The following GPC6 variants were observed in gnomAD, a reference collection of about 807,000 sequenced individuals.
GPC6 encodes glypican-6.
In GPC6, 14 loss-of-function variants were observed where a neutral mutation model predicts 55.2. That is an observed-to-expected ratio of 0.25 (90% CI 0.17 to 0.40). The LOEUF (loss-of-function observed/expected upper bound fraction) is 0.40, where lower values mean the gene tolerates loss of function less well. Among genes scored for constraint, GPC6 ranks in the 10% least tolerant of loss-of-function variants. The pLI is 1.00. For missense variants in GPC6, 641 were observed against 708.5 expected (o/e 0.90, Z 1.08); for synonymous variants, 278 against 259.6 (o/e 1.07, Z -0.68).
intron 4 of GPC6, among the ~76,000 whole-genome samples, chr13:94,265,060 A>C (rs1566609939): frequency 6.6e-6 from 1 of 152,130 alleles, no homozygotes; most frequent in Non-Finnish European, 1.5e-5. Flanking sequence ...ACTCAAGATG[A>C]GATTTTGGAG....
chr13:93,227,270 G>C lies in GPC6; in HGVS notation c.-187G>C. 1.9e-6 allele frequency: 1 copy of C among 537,962 alleles called. No homozygotes were observed. The highest frequency in any genetic ancestry group is 3.3e-5 in the Admixed American group (1 of 30,440). The allele number at this position is 537,962 out of a possible 1,614,324, so 33.3% of individuals were successfully genotyped here. A position where few individuals can be genotyped will look rare whatever the true frequency, so the allele number is the denominator to read the frequency against. ...CTTGTTGGCTTGCCATCGTCCATCTGGCTTATAAAAGTTTGCTGAGCGCAG... is the reference window on the plus strand; with the variant it reads ...CTTGTTGGCTTGCCATCGTCCATCTCGCTTATAAAAGTTTGCTGAGCGCAG... On this transcript the variant is annotated 5_prime_UTR_variant, in exon 1 of 9. Coordinates refer to ENST00000377047, the MANE Select transcript of GPC6 (RefSeq NM_005708.5). The surrounding 1 kb of genome is among the most constrained non-coding windows in gnomAD (Gnocchi z 4.3).
chr13:93,777,847 A>G (rs978026766), intron 2 of GPC6, among the ~76,000 whole-genome samples: 1 of 152,158 alleles, frequency 6.6e-6, no homozygotes, highest in African/African-American at 2.4e-5. Context: ...GAGACCAGCT[A>G]AGAGTTCCCT....
chr13:93,994,096 A>C (rs955227660), intron 3 of GPC6, among the ~76,000 whole-genome samples: 1 of 152,204 alleles, frequency 6.6e-6, no homozygotes, highest in African/African-American at 2.4e-5. Flanking sequence ...TTATTTTAAG[A>C]ATTCTCATGG....
At chr13:93,768,228 A>C (rs1478111439) in intron 2 of GPC6, among the ~76,000 whole-genome samples, 1 of 152,168 alleles carries the variant, frequency 6.6e-6, no homozygotes, top group Non-Finnish European at 1.5e-5. Flanking sequence ...TATGGATGGC[A>C]CTGCTTTTCC....
chr13:93,572,573 A>T (rs974994633), intron 2 of GPC6, among the ~76,000 whole-genome samples: 2 of 152,164 alleles, frequency 1.3e-5, no homozygotes, highest in African/African-American at 2.4e-5. Flanking sequence ...TTTGACAAAC[A>T]TTGCTATAGA....
chr13:93,268,560 C>T (rs1877403774), intron 1 of GPC6, among the ~76,000 whole-genome samples: 3 of 151,666 alleles, frequency 2.0e-5, no homozygotes, highest in Admixed American at 2.0e-4. Context: ...TTTCTTGCTA[C>T]GTAAAGACCA....
chr13:94,136,526 T>C (rs1357838095), intron 4 of GPC6, among the ~76,000 whole-genome samples: 2 of 152,102 alleles, frequency 1.3e-5, no homozygotes, highest in Admixed American at 6.6e-5. Context: ...CTGGCTAACA[T>C]GGTGAAACCC....
intron 4 of GPC6, among the ~76,000 whole-genome samples, chr13:94,272,630 G>T (rs532400025): frequency 1.3e-5 from 2 of 151,488 alleles, no homozygotes; most frequent in African/African-American, 4.9e-5. Flanking sequence ...CACCACGCCC[G>T]GCTAATTTTT....
intron 2 of GPC6, among the ~76,000 whole-genome samples, chr13:93,768,003 G>A (rs1051953403): frequency 3.3e-5 from 5 of 152,048 alleles, no homozygotes; most frequent in African/African-American, 9.7e-5. Flanking sequence ...AAAACCTAAG[G>A]GTGATTAGAG....
At chr13:94,165,233 CATATATATAT>C (rs1566488673) in intron 4 of GPC6, among the ~76,000 whole-genome samples, 41 of 145,900 alleles carry the variant, frequency 2.8e-4, no homozygotes, top group Non-Finnish European at 5.7e-4. Flanking sequence ...GAATACTATT[CATATATATAT>C]GTATACATAT....
intron 4 of GPC6, among the ~76,000 whole-genome samples, chr13:94,239,824 G>T (rs1280416225): frequency 1.3e-5 from 2 of 152,032 alleles, no homozygotes. Context: ...AGAGTGTTCG[G>T]CTCTCAATCC....
chr13:94,030,004 CT>C (rs55808503), intron 4 of GPC6, among the ~76,000 whole-genome samples: 545 of 139,400 alleles, frequency 3.9e-3, no homozygotes, highest in Middle Eastern at 7.4e-3. Context: ...TTCTTCCCGT[CT>C]TTTTTTTTTT....
intron 4 of GPC6, among the ~76,000 whole-genome samples, chr13:94,200,352 G>C (rs1330642909): frequency 6.6e-6 from 1 of 152,176 alleles, no homozygotes; most frequent in Non-Finnish European, 1.5e-5. Flanking sequence ...TAAGGTGTGG[G>C]TCCTGTATAG....
rs576360556 is a variant in GPC6, at chr13:94,096,107, A to C, written c.877+68213A>C. Among the ~76,000 whole-genome samples, 4 of 152,332 alleles carry C rather than the reference A, an allele frequency of 2.6e-5. No individual in the cohort carries two copies. The East Asian group carries it at 7.7e-4, about 29-fold the overall frequency. ...ACTTTTTCCCAGTTTCTGGAGCTAA[A>C]CACAGAAAGATTAGTTTTAATAGAA... On this transcript the variant is annotated intron_variant, in intron 4 of 8. Coordinates refer to ENST00000377047, the MANE Select transcript of GPC6 (RefSeq NM_005708.5).
At chr13:93,688,491 C>T (rs1052953943) in intron 2 of GPC6, among the ~76,000 whole-genome samples, 3 of 152,020 alleles carry the variant, frequency 2.0e-5, no homozygotes, top group African/African-American at 7.2e-5. Context: ...CAGTGTTTTT[C>T]ACAAGAGACA....
chr13:93,271,474 C>G (rs1464121111), intron 1 of GPC6, among the ~76,000 whole-genome samples: 1 of 151,818 alleles, frequency 6.6e-6, no homozygotes, highest in African/African-American at 2.4e-5. Flanking sequence ...TAGATAAACC[C>G]TAAGACAGTT....
intron 3 of GPC6, among the ~76,000 whole-genome samples, chr13:93,902,197 C>G (rs1454398930): frequency 1.3e-5 from 2 of 152,048 alleles, no homozygotes; most frequent in Non-Finnish European, 1.5e-5. Context: ...CACCCATTGA[C>G]CAGTCTCTCC....
At chr13:93,825,870 T>C (rs1336739718) in intron 2 of GPC6, among the ~76,000 whole-genome samples, 2 of 146,684 alleles carry the variant, frequency 1.4e-5, no homozygotes, top group East Asian at 3.9e-4. Flanking sequence ...CTTTTTTTTT[T>C]TTTTTTTTTG....
intron 2 of GPC6, among the ~76,000 whole-genome samples, chr13:93,793,822 T>A (rs1458877910): frequency 6.6e-6 from 1 of 152,236 alleles, no homozygotes; most frequent in Non-Finnish European, 1.5e-5. Context: ...CTCCTGTCTT[T>A]GTGATATGAA....
Sources: allele counts gnomAD v4.1 joint callset (sites outside exome capture counted in the v4.1 genomes callset), GRCh38; gene constraint gnomAD v4.1.1; non-coding constraint Gnocchi (gnomAD v3.1); transcripts MANE v1.5; gene names NCBI Gene and HGNC (gene_info 2026-07-23, HGNC 2026-07-21).